Variants in STK25 observed in about 807,000 individuals in gnomAD.
STK25 encodes the protein serine/threonine-protein kinase 25.
STK25 carries 29 observed loss-of-function variants against 53.8 expected under a neutral mutation model. That is an observed-to-expected ratio of 0.54 (90% CI 0.40 to 0.74). STK25 has a LOEUF of 0.74. Ranked by LOEUF, STK25 falls within the 30% of genes least tolerant of loss-of-function variation. The probability of loss-of-function intolerance (pLI) is 0.00; values close to 1 mark genes in which losing one functional copy is unlikely to be tolerated. For synonymous variants in STK25, 247 were observed against 238.3 expected (o/e 1.04, Z -0.33); for missense variants, 420 against 568.0 (o/e 0.74, Z 2.65).
rs1012614643 is a variant in STK25 at position 241,493,853 on chromosome 2, T to C, written c.*1809A>G. ...CTCAAGTGATCCATCTGCCTCAGCC[T>C]CCCAAAGTGCTGGGATTATAGGCAT... On this transcript the variant is annotated 3_prime_UTR_variant, in exon 12 of 12. Coordinates refer to ENST00000316586, the MANE Select transcript of STK25 (RefSeq NM_001271977.2). The C allele has an allele frequency of 1.8e-6, 1 of 550,276 alleles. No individual in the cohort carries two copies. Among genetic ancestry groups the C allele is most frequent in the Non-Finnish European group, 3.2e-6 (1 of 307,924 alleles). 34.1% of individuals were successfully genotyped at this position (550,276 alleles called of 1,614,324 possible).
chr2:241,504,695 C>T (rs922940868), intron 2 of STK25, among the ~76,000 whole-genome samples: 5 of 152,116 alleles, frequency 3.3e-5, no homozygotes, highest in African/African-American at 9.7e-5. Flanking sequence ...TCTCCTCAGC[C>T]TCCTGAGTAG....
At position 241,492,963 on chromosome 2, in the gene STK25, A is replaced by G. The variant is rs1435831213; in HGVS notation, c.*2699T>C. 8 of 1,612,952 alleles carry G rather than the reference A, an allele frequency of 5.0e-6. No homozygotes were observed. Among genetic ancestry groups the G allele is most frequent in the Non-Finnish European group, 5.1e-6 (6 of 1,179,016 alleles). On this transcript the variant is annotated 3_prime_UTR_variant, in exon 12 of 12. Transcript: ENST00000316586. Reference sequence around the variant, plus strand: ...TCAGGATATCTGCTAAGAAAGTTCAAAAACAGTCATGGCTGGCAGAAGCTC... The same window carrying G: ...TCAGGATATCTGCTAAGAAAGTTCAGAAACAGTCATGGCTGGCAGAAGCTC...
Position 241,498,298 on chromosome 2 carries a change from AG to A in STK25, c.968del (p.Pro323LeufsTer82). On this transcript the variant is annotated frameshift_variant, in exon 9 of 12. Transcript: ENST00000316586. LOFTEE classifies it high-confidence loss of function. Reference sequence around the variant, plus strand: ...TGCTGTGTGGACTCGGCCGGATGGTAGGGGGGAACGTCCAGATGGGGCCCTG... The same window carrying A: ...TGCTGTGTGGACTCGGCCGGATGGTAGGGGGAACGTCCAGATGGGGCCCTG... ...GEQGPIWTFP[P>X]TIRPSPHSKL... 4.4e-6 allele frequency: 7 copies of A among 1,603,846 alleles called. No homozygotes were observed. The highest frequency in any genetic ancestry group is 5.1e-6 in the Non-Finnish European group (6 of 1,173,218).
intron 10 of STK25, 46 bp downstream of exon 10, chr2:241,497,570 C>T (rs758274659): frequency 6.3e-7 from 1 of 1,594,932 alleles, no homozygotes; most frequent in East Asian, 2.2e-5. Context: ...GTGTCACAGC[C>T]TTGTCCTTGA....
At chr2:241,498,458 C>T (rs1188019980) in intron 8 of STK25, 109 bp from the exon 9 acceptor site, 1 of 1,279,502 alleles carries the variant, frequency 7.8e-7, no homozygotes, top group African/African-American at 1.5e-5. Flanking sequence ...AGACGGGGCT[C>T]TGCCAGGCCA....
chr2:241,498,205 C>A, intron 9 of STK25, 30 bp downstream of exon 9: 1 of 1,600,242 alleles, frequency 6.2e-7, no homozygotes, highest in Non-Finnish European at 8.6e-7. Context: ...CAGGGGTGCA[C>A]AGAGGGCAAA....
In STK25 at chr2:241,493,637, C is replaced by G. The variant is rs911510586; in HGVS notation, c.*2025G>C. On this transcript the variant is annotated 3_prime_UTR_variant, in exon 12 of 12. Coordinates refer to ENST00000316586, the MANE Select transcript of STK25 (RefSeq NM_001271977.2). ...GGAGATGGCGTCTCCCTCTGTCACT[C>G]AGGCTGGAGTGCAGTGATACAATCT... 6.7e-6 allele frequency: 4 copies of G among 592,972 alleles called. No homozygotes were observed. Among genetic ancestry groups the G allele is most frequent in the Non-Finnish European group, 1.2e-5 (4 of 334,966 alleles). The allele number at this position is 592,972 out of a possible 1,614,324, so 36.7% of individuals were successfully genotyped here.
chr2:241,508,263 G>A (rs1477080039), intron 1 of STK25, 128 bp from the exon 2 acceptor site: 15 of 1,301,690 alleles, frequency 1.2e-5, no homozygotes, highest in East Asian at 6.4e-5. Context: ...CGCCACGCCC[G>A]GGCCTAACGC....
At chr2:241,506,410 A>G (rs181542452) in intron 2 of STK25, among the ~76,000 whole-genome samples, 12 of 152,200 alleles carry the variant, frequency 7.9e-5, no homozygotes, top group Non-Finnish European at 1.6e-4. Context: ...ACACAGTTAC[A>G]GGGCACCTCG....
At position 241,493,408 on chromosome 2, in the gene STK25, A is replaced by G. The variant is rs201251233; in HGVS notation, c.*2254T>C. On this transcript the variant is annotated 3_prime_UTR_variant, in exon 12 of 12. Coordinates refer to ENST00000316586, the MANE Select transcript of STK25 (RefSeq NM_001271977.2). ...AAGCTCCAGTTCAAATCCCACGTCT[A>G]CTTCTTCCGGGCTGAGAGCAAGTAC... is the stretch of plus-strand genomic sequence containing the variant. 34 of 1,613,936 alleles carry G rather than the reference A, an allele frequency of 2.1e-5. No homozygotes were observed. The African/African-American group carries it at 2.5e-4, about 12-fold the overall frequency.
chr2:241,509,020 C>T (rs973093144), upstream of STK25, among the ~76,000 whole-genome samples: 4 of 152,246 alleles, frequency 2.6e-5, no homozygotes, highest in Non-Finnish European at 5.9e-5. Flanking sequence ...CACGAGGATC[C>T]ACCGCGGCCG....
In STK25 at chr2:241,495,674, T is replaced by A. The variant is rs2065104388; in HGVS notation, c.1269A>T (p.Thr423=). Residue 423 remains threonine (T), a synonymous_variant, in exon 12 of 12, where the codon ACA becomes ACT. Transcript: ENST00000316586. ...ACAGCAGTGCGCTTCAGCGGGTGGA[T>A]GTCAGGTGGTTTCTGTTGTGTGAAA... The part of the protein sequence containing the change: ...QRFSHNRNHL[T]STR 2 of 1,614,236 alleles carry A rather than the reference T, an allele frequency of 1.2e-6. No individual in the cohort carries two copies. Among genetic ancestry groups the A allele is most frequent in the South Asian group, 1.1e-5 (1 of 91,090 alleles).
At chr2:241,500,092 C>G in intron 5 of STK25, 81 bp downstream of exon 5, 1 of 1,236,622 alleles carries the variant, frequency 8.1e-7, no homozygotes, top group African/African-American at 1.5e-5. Flanking sequence ...CCACTAGCCA[C>G]TTGCCCCTCA....
Position 241,501,196 on chromosome 2 carries a change from A to T in STK25, c.261+282T>A, listed in dbSNP as rs1377130404. On this transcript the variant is annotated intron_variant, in intron 3 of 11. Transcript: ENST00000316586. The surrounding 1 kb of genome is among the most constrained non-coding windows in gnomAD (Gnocchi z 5.3). ...TGGCACCACCAGCCACCTGCTCCTC[A>T]CAGGCCCACTCACCACTGCCAGTAG... The T allele has an allele frequency of 3.6e-6, 2 of 559,316 alleles. No individual in the cohort carries two copies. The highest frequency in any genetic ancestry group is 3.1e-5 in the East Asian group (1 of 32,156). 34.6% of individuals were successfully genotyped at this position (559,316 alleles called of 1,614,324 possible).
At chr2:241,497,952 C>T (rs1158396622) in intron 9 of STK25, among the ~76,000 whole-genome samples, 1 of 128,518 alleles carries the variant, frequency 7.8e-6, no homozygotes, top group Admixed American at 9.9e-5. Context: ...TCTCCTGACT[C>T]TGAGGGCTTG....
chr2:241,508,031 G>A lies in STK25; in HGVS notation c.5C>T (p.Ala2Val). 6.2e-7 allele frequency: 1 copy of A among 1,605,250 alleles called. No individual in the cohort carries two copies. Among genetic ancestry groups the A allele is most frequent in the Non-Finnish European group, 8.5e-7 (1 of 1,177,028 alleles). ...CTGGTTGGCAAATCCCCGGAGGTGA[G>A]CCATGGCCGCGCCGCCTCAGACCCT... M[A>V]HLRGFANQHS... Residue 2 changes from alanine (A) to valine (V), a missense_variant, in exon 2 of 12, where the codon GCT becomes GTT. Physicochemically the swap from Ala to Val is moderately conservative, Grantham distance 64 (BLOSUM62 0). Coordinates refer to ENST00000316586, the MANE Select transcript of STK25 (RefSeq NM_001271977.2).
chr2:241,493,371 G>GACTA lies in STK25; in HGVS notation c.*2287_*2290dup, dbSNP rs765848044. Reference sequence around the variant, plus strand: ...CAGGGAGGCCGATGGCATACACAAAGACTATGTTTTCAAGCTCCAGTTCAA... The same window carrying GACTA: ...CAGGGAGGCCGATGGCATACACAAAGACTAACTATGTTTTCAAGCTCCAGTTCAA... On this transcript the variant is annotated 3_prime_UTR_variant, in exon 12 of 12. Coordinates refer to ENST00000316586, the MANE Select transcript of STK25 (RefSeq NM_001271977.2). 5 of 1,614,020 alleles carry GACTA rather than the reference G, an allele frequency of 3.1e-6. No homozygotes were observed. The highest frequency in any genetic ancestry group is 2.5e-6 in the Non-Finnish European group (3 of 1,179,998).
rs889317339 is a variant in STK25, at chr2:241,508,560, G to A, written c.-218C>T. ...GCCTCCCAGCCCGCGAAGCAACGGT[G>A]GTGGCGGCAGCGACCGGAGAAAGCC... On this transcript the variant is annotated 5_prime_UTR_variant, in exon 1 of 12. Coordinates refer to ENST00000316586, the MANE Select transcript of STK25 (RefSeq NM_001271977.2). 38 of 992,620 alleles carry A rather than the reference G, an allele frequency of 3.8e-5. No homozygotes were observed. The Middle Eastern group carries it at 1.4e-3, about 37-fold the overall frequency. The allele number at this position is 992,620 out of a possible 1,614,324, so 61.5% of individuals were successfully genotyped here.
At position 241,499,420 on chromosome 2, in the gene STK25, T is replaced by C. The variant is rs368080967; in HGVS notation, c.428-6A>G. 1.2e-6 allele frequency: 2 copies of C among 1,612,996 alleles called. No individual in the cohort carries two copies. Among genetic ancestry groups the C allele is most frequent in the African/African-American group, 2.7e-5 (2 of 74,872 alleles). On this transcript the variant is annotated splice_polypyrimidine_tract_variant and splice_region_variant and intron_variant, in intron 5 of 11. Transcript: ENST00000316586. Reference sequence around the variant, plus strand: ...CGAGAGTAGCACGTTGGCAGCTGCTTGACACAGGACAGGCAGGCGTCATCC... The same window carrying C: ...CGAGAGTAGCACGTTGGCAGCTGCTCGACACAGGACAGGCAGGCGTCATCC...
Sources: gnomAD v4.1 joint callset for allele counts (sites outside exome capture counted in the v4.1 genomes callset) on GRCh38, gnomAD v4.1.1 for gene constraint, Gnocchi (gnomAD v3.1) non-coding constraint, MANE v1.5 for transcripts, NCBI Gene and HGNC (gene_info 2026-07-23, HGNC 2026-07-21) for gene names.